Variants in CT45A1 observed in about 807,000 individuals in gnomAD.
CT45A1 encodes cancer/testis antigen 45-1.
At position 135,713,703 on chromosome X, in the gene CT45A1, G is replaced by A; in HGVS notation, c.-7+13G>A. 4.0e-6 allele frequency: 3 copies of A among 747,500 alleles called. No individual in the cohort carries two copies. Among genetic ancestry groups the A allele is most frequent in the Non-Finnish European group, 4.7e-6 (3 of 633,298 alleles). The allele number at this position is 747,500 out of a possible 1,213,427, so 61.6% of individuals were successfully genotyped here. A position where few individuals can be genotyped will look rare whatever the true frequency, so the allele number is the denominator to read the frequency against. ...CTCCTCCAGCAAGGTCAGGACTTAAGGACTGTGAGTGGGGCAGTTTTTCCC... is the reference window on the plus strand; with the variant it reads ...CTCCTCCAGCAAGGTCAGGACTTAAAGACTGTGAGTGGGGCAGTTTTTCCC... On this transcript the variant is annotated intron_variant, in intron 1 of 4. Transcript: ENST00000594565.
intron 1 of CT45A1, among the ~76,000 whole-genome samples, chrX:135,715,461 C>CTTATATATAATACTT (rs2087977643): frequency 1.4e-5 from 1 of 72,745 alleles, no homozygotes; most frequent in Non-Finnish European, 2.4e-5. Context: ...ATATATAATA[C>CTTATATATAATACTT]TTATATATAA....
At chrX:135,709,972 TGTTA>T (rs1333819395), upstream of CT45A1, 1 of 112,329 alleles carries the variant, frequency 8.9e-6, no homozygotes, top group Non-Finnish European at 1.9e-5. Flanking sequence ...CAAGTTTCTA[TGTTA>T]GTTTTTAGTA....
intron 1 of CT45A1, among the ~76,000 whole-genome samples, chrX:135,718,147 C>A (rs146274100): frequency 0.027 from 3,023 of 111,765 alleles, 36 homozygotes; most frequent in East Asian, 0.082. Context: ...TGAAAATGAT[C>A]ATGTGGTGTT....
chrX:135,715,726 T>TATATATATAA (rs2087983759), intron 1 of CT45A1, among the ~76,000 whole-genome samples: 2 of 103,516 alleles, frequency 1.9e-5, no homozygotes, highest in Non-Finnish European at 3.9e-5. Context: ...ATAAAATACT[T>TATATATATAA]TAAGTTCTGG....
intron 1 of CT45A1, among the ~76,000 whole-genome samples, chrX:135,715,385 TAA>T (rs2087975101): frequency 0.013 from 819 of 64,124 alleles, 34 homozygotes; most frequent in Middle Eastern, 0.044. Context: ...TACTTATATA[TAA>T]TACTTATATA....
upstream of CT45A1, among the ~76,000 whole-genome samples, chrX:135,709,273 G>A (rs1395231099): frequency 2.7e-5 from 3 of 111,525 alleles, no homozygotes; most frequent in African/African-American, 6.5e-5. Flanking sequence ...CTATAGGCAT[G>A]CACTGTTACA....
upstream of CT45A1, chrX:135,710,087 A>G (rs1231361001): frequency 6.1e-5 from 7 of 115,614 alleles, no homozygotes; most frequent in Admixed American, 2.7e-4. Context: ...TGTAACTGTG[A>G]TTCTTCACTG....
At chrX:135,709,470 T>A (rs1379474196), upstream of CT45A1, among the ~76,000 whole-genome samples, 1 of 112,027 alleles carries the variant, frequency 8.9e-6, no homozygotes, top group African/African-American at 3.2e-5. Context: ...GGTTTTGCCA[T>A]GTTGGCCAGC....
At chrX:135,709,933 A>G (rs1472547238), upstream of CT45A1, among the ~76,000 whole-genome samples, 7 of 112,508 alleles carry the variant, frequency 6.2e-5, no homozygotes, top group African/African-American at 2.3e-4. Context: ...GATATACATG[A>G]AAAGGATTAC....
upstream of CT45A1, chrX:135,710,426 A>T (rs1182548983): frequency 1.8e-5 from 2 of 112,249 alleles, no homozygotes; most frequent in Non-Finnish European, 3.8e-5. Context: ...ATCTAGACTA[A>T]ATGTCTGTTG....
intron 1 of CT45A1, among the ~76,000 whole-genome samples, chrX:135,718,238 T>A (rs1454059001): frequency 8.9e-6 from 1 of 111,780 alleles, no homozygotes; most frequent in African/African-American, 3.2e-5. Context: ...CAATGTTGCC[T>A]TTCTGCAATA....
chrX:135,712,970 T>TCC (rs1202220969), upstream of CT45A1, among the ~76,000 whole-genome samples: 4 of 61,881 alleles, frequency 6.5e-5, no homozygotes, highest in South Asian at 9.8e-4. Context: ...TCTTTCTTTC[T>TCC]TTCTTTTCTT....
At chrX:135,715,353 C>CTTATATATATAATAT (rs2087973770) in intron 1 of CT45A1, among the ~76,000 whole-genome samples, 1 of 54,547 alleles carries the variant, frequency 1.8e-5, no homozygotes, top group Non-Finnish European at 3.2e-5. Context: ...ATAATACTTA[C>CTTATATATATAATAT]ATATAATACT....
At chrX:135,718,614 G>A (rs1479308144) in intron 1 of CT45A1, among the ~76,000 whole-genome samples, 2 of 109,874 alleles carry the variant, frequency 1.8e-5, no homozygotes, top group Admixed American at 2.0e-4. Context: ...CCTAATAAGG[G>A]TTAATACAGA....
upstream of CT45A1, among the ~76,000 whole-genome samples, chrX:135,713,246 C>T (rs1358925322): frequency 2.0e-5 from 2 of 101,995 alleles, no homozygotes; most frequent in Non-Finnish European, 4.0e-5. Flanking sequence ...GTTGGTTGCT[C>T]TGTAGAGCCG....
chrX:135,716,787 A>G (rs1421901493), intron 1 of CT45A1, among the ~76,000 whole-genome samples: 1 of 108,043 alleles, frequency 9.3e-6, no homozygotes, highest in Non-Finnish European at 1.9e-5. Context: ...TTGTCTATCC[A>G]TCTTTAATAA....
upstream of CT45A1, among the ~76,000 whole-genome samples, chrX:135,711,703 A>G (rs1186031565): frequency 1.8e-5 from 2 of 112,271 alleles, no homozygotes; most frequent in African/African-American, 6.5e-5. Flanking sequence ...TTGTTCCATT[A>G]AAACTCCAAA....
chrX:135,715,197 C>CTTATATATATATATATATA (rs1471477492), intron 1 of CT45A1, among the ~76,000 whole-genome samples: 1 of 82,576 alleles, frequency 1.2e-5, no homozygotes, highest in Non-Finnish European at 2.3e-5. Context: ...AATGCCATTA[C>CTTATATATATATATATATA]TATTATATAT....
At chrX:135,717,880 T>C (rs1182559571) in intron 1 of CT45A1, among the ~76,000 whole-genome samples, 3 of 112,053 alleles carry the variant, frequency 2.7e-5, no homozygotes, top group East Asian at 2.8e-4. Context: ...AATGACAGTT[T>C]TATTTCTTTC....
Sources: allele counts gnomAD v4.1 joint callset (sites outside exome capture counted in the v4.1 genomes callset), GRCh38; gene constraint gnomAD v4.1.1; transcripts MANE v1.5; gene names NCBI Gene and HGNC (gene_info 2026-07-23, HGNC 2026-07-21).